ERCC8: variants seen among roughly 807,000 people sequenced by gnomAD.
ERCC8 encodes the protein ERCC excision repair 8, CSA ubiquitin ligase complex subunit.
ERCC8 carries 52 observed loss-of-function variants against 54.9 expected under a neutral mutation model. The ratio of observed to expected loss-of-function variants is 0.95; its 90% CI spans 0.76 to 1.19. The LOEUF (loss-of-function observed/expected upper bound fraction) is 1.19. ERCC8 is among the 50% of genes most tolerant of loss of function. The probability of loss-of-function intolerance (pLI) is 0.00; values close to 1 mark genes in which losing one functional copy is unlikely to be tolerated. For synonymous variants in ERCC8, 146 were observed against 157.2 expected (o/e 0.93, Z 0.53); for missense variants, 514 against 466.1 (o/e 1.10, Z -0.95).
chr5:60,891,575 G>C (rs993531114), intron 9 of ERCC8, among the ~76,000 whole-genome samples: 3 of 150,486 alleles, frequency 2.0e-5, no homozygotes, highest in Non-Finnish European at 4.4e-5. Flanking sequence ...AATTTTTTTT[G>C]GGGCTAATAC....
rs1357888720 is a variant in ERCC8 at position 60,867,416 on chromosome 5, G to A, written c.*7199C>T. Among the ~76,000 whole-genome samples the A allele has an allele frequency of 6.6e-6, 1 of 151,950 alleles. No individual in the cohort carries two copies. Among genetic ancestry groups the A allele is most frequent in the Non-Finnish European group, 1.5e-5 (1 of 67,998 alleles). ...TTTACAGGTGTGAGCCACTGCGCCT[G>A]GCCTTATTTCTTTATAAAGCCATTA... On this transcript the variant is annotated 3_prime_UTR_variant, in exon 12 of 12. Coordinates refer to ENST00000676185, the MANE Select transcript of ERCC8 (RefSeq NM_000082.4).
At chr5:60,879,526 G>T (rs1748134690) in intron 11 of ERCC8, among the ~76,000 whole-genome samples, 1 of 152,170 alleles carries the variant, frequency 6.6e-6, no homozygotes, top group African/African-American at 2.4e-5. Flanking sequence ...AGGTCTCTAA[G>T]GACTTGTTTT....
intron 11 of ERCC8, among the ~76,000 whole-genome samples, chr5:60,876,359 T>C (rs1748007466): frequency 6.6e-6 from 1 of 152,234 alleles, no homozygotes. Context: ...TGTGTCTTTA[T>C]AGCAGCATGT....
Position 60,867,471 on chromosome 5 carries a change from A to G in ERCC8, c.*7144T>C, listed in dbSNP as rs1336898882. Among the ~76,000 whole-genome samples, 1 of 152,152 alleles carries G rather than the reference A, an allele frequency of 6.6e-6. No homozygotes were observed. The highest frequency in any genetic ancestry group is 2.4e-5 in the African/African-American group (1 of 41,440). On this transcript the variant is annotated 3_prime_UTR_variant, in exon 12 of 12. Coordinates refer to ENST00000676185, the MANE Select transcript of ERCC8 (RefSeq NM_000082.4). ...GAAAAAAATAATCTTACCATTCTTTAATGTCCATAGTGATCATCACTGAGT... is the reference window on the plus strand; with the variant it reads ...GAAAAAAATAATCTTACCATTCTTTGATGTCCATAGTGATCATCACTGAGT...
At chr5:60,942,084 C>G (rs951708436) in intron 1 of ERCC8, among the ~76,000 whole-genome samples, 3 of 151,848 alleles carry the variant, frequency 2.0e-5, no homozygotes, top group African/African-American at 7.3e-5. Context: ...CCTAGAGCAG[C>G]CACTAAAGAA....
chr5:60,901,551 C>A (rs1748904561), intron 7 of ERCC8, among the ~76,000 whole-genome samples: 1 of 151,998 alleles, frequency 6.6e-6, no homozygotes, highest in African/African-American at 2.4e-5. Context: ...CCACTAAAAA[C>A]CAAGAGAAGC....
At chr5:60,904,683 T>TATATAA (rs1749016627) in intron 5 of ERCC8, 109 bp downstream of exon 5, 1 of 232,448 alleles carries the variant, frequency 4.3e-6, no homozygotes, top group African/African-American at 2.7e-5. Context: ...TATATATATA[T>TATATAA]AAAATTGTGA....
In ERCC8 at chr5:60,922,132, C is replaced by T. The variant is rs775203642; in HGVS notation, c.197G>A (p.Gly66Asp). Residue 66 changes from glycine to aspartate, a missense_variant, in exon 3 of 12, where the codon GGT becomes GAT. By Grantham distance (94) the Gly-to-Asp change is moderately conservative. Transcript: ENST00000676185. ...GRYMLSGGSD[G>D]VIVLYDLENS... is the part of the protein sequence containing the mutation. ...CTCAAGGTCATAAAGTACAATCACA[C>T]CATCTGAACCACCTGATAACATGCT... 14 of 1,607,330 alleles carry T rather than the reference C, an allele frequency of 8.7e-6. No homozygotes were observed. In the East Asian group the frequency reaches 2.9e-4, roughly 33 times the overall value.
chr5:60,918,197 TA>T, intron 4 of ERCC8, 67 bp downstream of exon 4: 2 of 1,244,892 alleles, frequency 1.6e-6, no homozygotes, highest in Non-Finnish European at 2.3e-6. Flanking sequence ...ATAATCATAC[TA>T]AAATGGTTTA....
At position 60,870,755 on chromosome 5, in the gene ERCC8, C is replaced by G. The variant is rs1185491694; in HGVS notation, c.*3860G>C. ...AAAAAGAAGAAGGAAAAAGGAGAAG[C>G]AACAATTAGACAAATATTAGAAGAA... On this transcript the variant is annotated 3_prime_UTR_variant, in exon 12 of 12. Transcript: ENST00000676185. Among the ~76,000 whole-genome samples, 3 of 151,388 alleles carry G rather than the reference C, an allele frequency of 2.0e-5. No homozygotes were observed. The highest frequency in any genetic ancestry group is 1.5e-5 in the Non-Finnish European group (1 of 67,880).
At chr5:60,926,303 G>A (rs1173469979) in intron 2 of ERCC8, among the ~76,000 whole-genome samples, 1 of 152,134 alleles carries the variant, frequency 6.6e-6, no homozygotes, top group Non-Finnish European at 1.5e-5. Context: ...TTTCTTCACT[G>A]AGAATGTCTT....
intron 7 of ERCC8, among the ~76,000 whole-genome samples, chr5:60,901,808 T>C (rs913195204): frequency 1.3e-5 from 2 of 152,030 alleles, no homozygotes; most frequent in Non-Finnish European, 2.9e-5. Flanking sequence ...CCCCAGCAGA[T>C]AAATATGCAA....
chr5:60,885,025 T>A (rs932385987), intron 11 of ERCC8, among the ~76,000 whole-genome samples: 1 of 149,742 alleles, frequency 6.7e-6, no homozygotes, highest in Non-Finnish European at 1.5e-5. Flanking sequence ...TTTTTTTTTT[T>A]CCTTTGAGTC....
At chr5:60,924,155 T>A (rs1749683504) in intron 2 of ERCC8, 1 of 152,272 alleles carries the variant, frequency 6.6e-6, no homozygotes. Flanking sequence ...ACTGCATTCA[T>A]GTGCTATAAT....
chr5:60,877,516 G>C (rs1474952178), intron 11 of ERCC8, among the ~76,000 whole-genome samples: 1 of 152,188 alleles, frequency 6.6e-6, no homozygotes, highest in Non-Finnish European at 1.5e-5. Flanking sequence ...AGCATGGAAT[G>C]TTCTTCCATT....
chr5:60,875,010 T>A (rs1036529514), intron 11 of ERCC8, among the ~76,000 whole-genome samples: 1 of 152,192 alleles, frequency 6.6e-6, no homozygotes, highest in African/African-American at 2.4e-5. Context: ...CTCTTTGGAA[T>A]TACCTGGAGA....
intron 1 of ERCC8, among the ~76,000 whole-genome samples, chr5:60,933,216 C>CTTTTTTTTTTTTTTTTTTTTTT (rs143139297): frequency 1.1e-5 from 1 of 89,484 alleles, no homozygotes; most frequent in Non-Finnish European, 2.0e-5. Flanking sequence ...CCTTTTTTTT[C>CTTTTTTTTTTTTTTTTTTTTTT]TTTTTTTTTT....
intron 4 of ERCC8, among the ~76,000 whole-genome samples, chr5:60,917,720 A>G (rs1204021400): frequency 6.6e-6 from 1 of 152,074 alleles, no homozygotes; most frequent in African/African-American, 2.4e-5. Context: ...GTAGAAAAGT[A>G]GAGACATATC....
intron 11 of ERCC8, among the ~76,000 whole-genome samples, chr5:60,875,907 A>G (rs1487476575): frequency 6.6e-6 from 1 of 150,888 alleles, no homozygotes; most frequent in Admixed American, 6.6e-5. Flanking sequence ...TTTTTATTAT[A>G]CTGTAAGTTT....
Sources: gnomAD v4.1 joint callset for allele counts (sites outside exome capture counted in the v4.1 genomes callset) on GRCh38, gnomAD v4.1.1 for gene constraint, MANE v1.5 for transcripts, NCBI Gene and HGNC (gene_info 2026-07-23, HGNC 2026-07-21) for gene names.